Variants in ARPC1A observed in about 807,000 individuals in gnomAD.
ARPC1A encodes actin related protein 2/3 complex subunit 1A.
A neutral mutation model predicts 46.9 loss-of-function variants in ARPC1A; 8 were observed. That is an observed-to-expected ratio of 0.17 (90% CI 0.10 to 0.31). ARPC1A has a LOEUF of 0.31. ARPC1A is among the 10% of genes least tolerant of loss of function. The pLI, the probability that ARPC1A is intolerant of heterozygous loss-of-function variation, is 1.00. For synonymous variants in ARPC1A, 152 were observed against 169.0 expected (o/e 0.90, Z 0.78); for missense variants, 286 against 483.6 (o/e 0.59, Z 3.83).
intron 1 of ARPC1A, among the ~76,000 whole-genome samples, chr7:99,332,033 GTTC>G (rs1271013321): frequency 6.6e-6 from 1 of 152,190 alleles, no homozygotes; most frequent in Non-Finnish European, 1.5e-5. Flanking sequence ...GTCCAGGCCA[GTTC>G]TTCTATAGAA....
chr7:99,360,641 T>G (rs907224059), intron 8 of ARPC1A, among the ~76,000 whole-genome samples: 5 of 152,114 alleles, frequency 3.3e-5, no homozygotes, highest in African/African-American at 1.2e-4. Flanking sequence ...AGTTTGATTT[T>G]TAAGGTCTAG....
At chr7:99,332,202 A>G (rs925855528) in intron 1 of ARPC1A, among the ~76,000 whole-genome samples, 5 of 152,316 alleles carry the variant, frequency 3.3e-5, no homozygotes, top group Non-Finnish European at 5.9e-5. Flanking sequence ...TAGGTTGACC[A>G]TATTCCCAGG....
At chr7:99,355,084 A>T (rs1793607063) in intron 6 of ARPC1A, among the ~76,000 whole-genome samples, 1 of 150,954 alleles carries the variant, frequency 6.6e-6, no homozygotes. Context: ...ACTGTACTCC[A>T]GCCTGGGCAA....
At chr7:99,333,492 C>T (rs1460503119) in intron 2 of ARPC1A, 75 bp downstream of exon 2, 1 of 1,279,062 alleles carries the variant, frequency 7.8e-7, no homozygotes, top group African/African-American at 1.5e-5. Context: ...ATTTAGGGCT[C>T]ACATATCTCA....
At chr7:99,363,466 T>A (rs1421429954) in intron 8 of ARPC1A, 77 bp from the exon 9 acceptor site, 5 of 1,049,258 alleles carry the variant, frequency 4.8e-6, no homozygotes, top group Non-Finnish European at 7.3e-6. Flanking sequence ...TAAGCTGCCC[T>A]TACACTATTA....
At chr7:99,362,293 CAATA>C (rs1367755405) in intron 8 of ARPC1A, among the ~76,000 whole-genome samples, 2 of 147,232 alleles carry the variant, frequency 1.4e-5, no homozygotes, top group African/African-American at 2.5e-5. Context: ...GACTCCATCT[CAATA>C]AATAAATAAA....
Position 99,333,368 on chromosome 7 carries a change from GT to G in ARPC1A, c.20del (p.Leu7TyrfsTer2), listed in dbSNP as rs763834483. 2 of 1,613,550 alleles carry G rather than the reference GT, an allele frequency of 1.2e-6. No homozygotes were observed. Among genetic ancestry groups the G allele is most frequent in the Non-Finnish European group, 1.7e-6 (2 of 1,179,660 alleles). On this transcript the variant is annotated frameshift_variant, in exon 2 of 10. Coordinates refer to ENST00000262942, the MANE Select transcript of ARPC1A (RefSeq NM_006409.4). LOFTEE classifies it high-confidence loss of function. ...CACTAAGAATAATGTCACTGCATCAGTTTTTACTAGAGCCAATCACCTGTCA... is the reference window on the plus strand; with the variant it reads ...CACTAAGAATAATGTCACTGCATCAGTTTTACTAGAGCCAATCACCTGTCA... MSLHQ[F>X]LLEPITCHAW... is the part of the protein sequence containing the mutation.
intron 8 of ARPC1A, among the ~76,000 whole-genome samples, chr7:99,360,602 C>G (rs948850810): frequency 6.6e-6 from 1 of 152,050 alleles, no homozygotes; most frequent in Non-Finnish European, 1.5e-5. Flanking sequence ...GCTGGAATTA[C>G]AGGCGTAAGC....
intron 5 of ARPC1A, among the ~76,000 whole-genome samples, chr7:99,353,113 T>TTTAGTTTAGTTTATG (rs1554345302): frequency 1.5e-5 from 2 of 136,614 alleles, no homozygotes; most frequent in Non-Finnish European, 3.1e-5. Flanking sequence ...TTTAGTTTAG[T>TTTAGTTTAGTTTATG]TTATGTTATG....
intron 7 of ARPC1A, among the ~76,000 whole-genome samples, chr7:99,359,206 CG>C (rs1355858863): frequency 1.4e-5 from 2 of 145,810 alleles, no homozygotes; most frequent in East Asian, 4.8e-4. Context: ...GAGGCCAAGG[CG>C]GGTGGTTCAC....
chr7:99,363,417 C>A, intron 8 of ARPC1A, 126 bp from the exon 9 acceptor site: 1 of 731,820 alleles, frequency 1.4e-6, no homozygotes, highest in Non-Finnish European at 2.3e-6. Flanking sequence ...CGCATCCCAG[C>A]TCTATTTAAA....
At chr7:99,365,768 G>T in intron 9 of ARPC1A, 123 bp from the exon 10 acceptor site, 2 of 1,021,836 alleles carry the variant, frequency 2.0e-6, no homozygotes, top group South Asian at 2.9e-5. Context: ...GTTTCAGGTG[G>T]GGCAGGGCCA....
intron 2 of ARPC1A, among the ~76,000 whole-genome samples, chr7:99,337,727 T>C (rs1177349421): frequency 6.6e-6 from 1 of 152,178 alleles, no homozygotes; most frequent in Non-Finnish European, 1.5e-5. Flanking sequence ...TAATATAAAC[T>C]AGTGGTTCCA....
intron 4 of ARPC1A, 93 bp from the exon 5 acceptor site, chr7:99,348,759 G>A (rs1258430720): frequency 3.8e-6 from 3 of 779,578 alleles, no homozygotes; most frequent in African/African-American, 3.5e-5. Flanking sequence ...GAAAAGTGTG[G>A]CCTACTTAGG....
At chr7:99,326,764 A>G (rs1239916598) in intron 1 of ARPC1A, among the ~76,000 whole-genome samples, 2 of 152,172 alleles carry the variant, frequency 1.3e-5, no homozygotes, top group African/African-American at 2.4e-5. Flanking sequence ...AATATTAGCT[A>G]TTATTACTGC....
chr7:99,353,108 TTTAGTTTATGTTATG>T (rs1470504015), intron 5 of ARPC1A, among the ~76,000 whole-genome samples: 5,703 of 147,118 alleles, frequency 0.039, 135 homozygotes, highest in African/African-American at 0.068. Context: ...TTTAGTTTAG[TTTAGTTTATGTTATG>T]TTATGTTATG....
At chr7:99,334,375 TAATAAC>T (rs1400991239) in intron 2 of ARPC1A, among the ~76,000 whole-genome samples, 1 of 151,146 alleles carries the variant, frequency 6.6e-6, no homozygotes, top group Non-Finnish European at 1.5e-5. Flanking sequence ...AAAAAAAAAA[TAATAAC>T]AATAATAATT....
At position 99,359,792 on chromosome 7, in the gene ARPC1A, C is replaced by G. The variant is rs1039772907; in HGVS notation, c.983+54C>G. The G allele has an allele frequency of 6.9e-6, 11 of 1,588,558 alleles. 1 individual carries two copies. Among genetic ancestry groups the G allele is most frequent in the Middle Eastern group, 3.3e-4 (2 of 6,038 alleles). On this transcript the variant is annotated intron_variant, in intron 8 of 9. Coordinates refer to ENST00000262942, the MANE Select transcript of ARPC1A (RefSeq NM_006409.4). ...GGTGACAAGGTGCCTTCCTGCCCCTCGCTGTTTCCTTACTGGGTTCCTACA... is the reference window on the plus strand; with the variant it reads ...GGTGACAAGGTGCCTTCCTGCCCCTGGCTGTTTCCTTACTGGGTTCCTACA...
chr7:99,363,564 G>A lies in ARPC1A; in HGVS notation c.1005G>A (p.Val335=). 6.2e-7 allele frequency: 1 copy of A among 1,612,872 alleles called. No homozygotes were observed. The highest frequency in any genetic ancestry group is 1.3e-5 in the African/African-American group (1 of 74,954). Residue 335 remains valine (V), a synonymous_variant, in exon 9 of 10, where the codon GTG becomes GTA. Transcript: ENST00000262942. Reference sequence around the variant, plus strand: ...TCAGTCAAGTCTCTATTTATGAGGTGGACAAGCAAGATTGTCGCAAATTTT... The same window carrying A: ...TCAGTCAAGTCTCTATTTATGAGGTAGACAAGCAAGATTGTCGCAAATTTT... ...NSITQVSIYE[V]DKQDCRKFCT...
Sources: gnomAD v4.1 joint callset for allele counts (sites outside exome capture counted in the v4.1 genomes callset) on GRCh38, gnomAD v4.1.1 for gene constraint, MANE v1.5 for transcripts, NCBI Gene and HGNC (gene_info 2026-07-23, HGNC 2026-07-21) for gene names.